KLHL14: variants seen among roughly 807,000 people sequenced by gnomAD.
KLHL14 encodes the protein kelch like family member 14.
In KLHL14, 22 loss-of-function variants were observed where a neutral mutation model predicts 64.3. The ratio of observed to expected loss-of-function variants is 0.34; its 90% CI spans 0.24 to 0.49. The LOEUF is 0.49. KLHL14 is among the 20% of genes least tolerant of loss of function. KLHL14 has a pLI of 0.99. For missense variants in KLHL14, 661 were observed against 789.0 expected (o/e 0.84, Z 1.94); for synonymous variants, 322 against 333.4 (o/e 0.97, Z 0.37).
intron 3 of KLHL14, among the ~76,000 whole-genome samples, chr18:32,730,026 A>ATTGT (rs2050129456): frequency 1.3e-5 from 2 of 152,224 alleles, no homozygotes; most frequent in Admixed American, 1.3e-4. Flanking sequence ...TGAATGGTCT[A>ATTGT]TTGTTTTCAT....
intron 5 of KLHL14, among the ~76,000 whole-genome samples, chr18:32,682,688 C>T (rs1265060929): frequency 6.6e-6 from 1 of 152,152 alleles, no homozygotes; most frequent in Non-Finnish European, 1.5e-5. Flanking sequence ...CTTCTATTTC[C>T]TCAACCAGGC....
intron 5 of KLHL14, among the ~76,000 whole-genome samples, chr18:32,684,932 T>C (rs2049869089): frequency 6.6e-6 from 1 of 152,056 alleles, no homozygotes. Context: ...AACCAGCCCA[T>C]AGGAGAGATG....
chr18:32,763,980 A>G (rs1381802327), intron 2 of KLHL14, among the ~76,000 whole-genome samples: 10 of 152,172 alleles, frequency 6.6e-5, no homozygotes. Flanking sequence ...GGCAGGATCT[A>G]TACTCAATCC....
intron 3 of KLHL14, among the ~76,000 whole-genome samples, chr18:32,731,087 G>A (rs1438431518): frequency 6.6e-6 from 1 of 152,134 alleles, no homozygotes; most frequent in East Asian, 1.9e-4. Context: ...TGACTGTAGA[G>A]TAATCATACA....
chr18:32,679,345 TTAGA>T (rs1175252268), intron 7 of KLHL14, among the ~76,000 whole-genome samples: 3 of 152,324 alleles, frequency 2.0e-5, no homozygotes, highest in Non-Finnish European at 2.9e-5. Flanking sequence ...TCTACCATAC[TTAGA>T]TAGCCTGTTT....
At chr18:32,765,093 G>A in intron 2 of KLHL14, among the ~76,000 whole-genome samples, 1 of 152,242 alleles carries the variant, frequency 6.6e-6, no homozygotes. Context: ...ATGGAGCAAT[G>A]CTTAACTGCT....
In KLHL14 at chr18:32,673,341, G is replaced by A. The variant is rs1426248095; in HGVS notation, c.*1316C>T. Reference sequence around the variant, plus strand: ...CTCTGGATGGTTAAAATATATTTTAGGCTTTTATTTACTCCTAAAGTTGTT... The same window carrying A: ...CTCTGGATGGTTAAAATATATTTTAAGCTTTTATTTACTCCTAAAGTTGTT... On this transcript the variant is annotated 3_prime_UTR_variant, in exon 9 of 9. Coordinates refer to ENST00000359358, the MANE Select transcript of KLHL14 (RefSeq NM_020805.3). 1.3e-5 allele frequency: 2 copies of A among 152,196 alleles called. No individual in the cohort carries two copies. The highest frequency in any genetic ancestry group is 3.9e-4 in the East Asian group (2 of 5,184). The allele number at this position is 152,196 out of a possible 1,614,324, so 9.4% of individuals were successfully genotyped here.
chr18:32,772,132 G>T (rs1181268209), intron 1 of KLHL14: 2 of 263,696 alleles, frequency 7.6e-6, no homozygotes, highest in Admixed American at 4.2e-5. Flanking sequence ...CCGCCCGGGG[G>T]AGAGCCGCCG....
In KLHL14 at chr18:32,769,965, C is replaced by T. The variant is rs141522910; in HGVS notation, c.627G>A (p.Leu209=). ...AGTTGAGCAGCAGCACATCCTCCACCAGGTACTTGTTGGCCAGCTTCTTGG... is the reference window on the plus strand; with the variant it reads ...AGTTGAGCAGCAGCACATCCTCCACTAGGTACTTGTTGGCCAGCTTCTTGG... The part of the protein sequence containing the change: ...EETKKLANKY[L]VEDVLLLNFE... Residue 209 remains leucine, a synonymous_variant, in exon 2 of 9, where the codon CTG becomes CTA. Transcript: ENST00000359358. 4.6e-5 allele frequency: 75 copies of T among 1,614,104 alleles called. No individual in the cohort carries two copies. The African/African-American group carries it at 9.5e-4, about 20-fold the overall frequency.
intron 3 of KLHL14, among the ~76,000 whole-genome samples, chr18:32,735,842 T>TAGA (rs2050163367): frequency 1.3e-5 from 2 of 152,180 alleles, no homozygotes; most frequent in Admixed American, 1.3e-4. Context: ...CTCTGTTACA[T>TAGA]AGAAGATACC....
intron 3 of KLHL14, among the ~76,000 whole-genome samples, chr18:32,725,691 A>G (rs2050104688): frequency 6.6e-6 from 1 of 152,220 alleles, no homozygotes; most frequent in Non-Finnish European, 1.5e-5. Context: ...ATCTGCCCTC[A>G]TGTTGCTGAC....
At chr18:32,704,224 T>C (rs1202617153) in intron 3 of KLHL14, among the ~76,000 whole-genome samples, 1 of 152,130 alleles carries the variant, frequency 6.6e-6, no homozygotes, top group African/African-American at 2.4e-5. Context: ...GCAAAAATGA[T>C]TGTTATGTAG....
chr18:32,742,036 T>C lies in KLHL14; in HGVS notation c.961A>G (p.Lys321Glu), dbSNP rs377120217. Residue 321 changes from lysine (K) to glutamate (E), a missense_variant, in exon 3 of 9, where the codon AAG becomes GAG. By Grantham distance (56) the Lys-to-Glu change is moderately conservative. This residue lies in a region of KLHL14 where 330 missense variants were observed against 450.0 expected (regional missense o/e 0.73). Coordinates refer to ENST00000359358, the MANE Select transcript of KLHL14 (RefSeq NM_020805.3). ...CCTCCAACCAATAACAGCATTTTCTTGTTAGAGCGAATTCTTCACCCAAAA... is the reference window on the plus strand; with the variant it reads ...CCTCCAACCAATAACAGCATTTTCTCGTTAGAGCGAATTCTTCACCCAAAA... ...QSLASRIRSN[K>E]KMLLLVGGLP... 2.5e-6 allele frequency: 4 copies of C among 1,612,874 alleles called. No individual in the cohort carries two copies. The highest frequency in any genetic ancestry group is 2.2e-5 in the East Asian group (1 of 44,868).
Position 32,680,165 on chromosome 18 carries a change from A to G in KLHL14, c.1588+4T>C, listed in dbSNP as rs1312678297. On this transcript the variant is annotated splice_donor_region_variant and intron_variant, in intron 7 of 8. Transcript: ENST00000359358. This position sits in a 1 kb window ranked among gnomAD's most constrained non-coding sequence, Gnocchi z 4.8. Reference sequence around the variant, plus strand: ...ACTAAAAAACAAAACAACAAAAAAAAGACCTTTCAAATGATTTCCTCCAAT... The same window carrying G: ...ACTAAAAAACAAAACAACAAAAAAAGGACCTTTCAAATGATTTCCTCCAAT... 5 of 1,612,584 alleles carry G rather than the reference A, an allele frequency of 3.1e-6. No homozygotes were observed. The Admixed American group carries it at 6.7e-5, about 22-fold the overall frequency.
chr18:32,739,036 G>A (rs1175690944), intron 3 of KLHL14, among the ~76,000 whole-genome samples: 1 of 152,066 alleles, frequency 6.6e-6, no homozygotes, highest in African/African-American at 2.4e-5. Context: ...AGAAATGTTT[G>A]CTCAACATAA....
intron 3 of KLHL14, among the ~76,000 whole-genome samples, chr18:32,701,735 G>C (rs2049967179): frequency 6.6e-6 from 1 of 152,162 alleles, no homozygotes. Flanking sequence ...CTGTGATCTA[G>C]ATGAAAGAAG....
intron 3 of KLHL14, among the ~76,000 whole-genome samples, chr18:32,703,173 A>G (rs1171426633): frequency 3.9e-5 from 6 of 152,202 alleles, no homozygotes; most frequent in Admixed American, 2.0e-4. Context: ...CTGTAGCTTC[A>G]TGCCTAGCAC....
At chr18:32,751,994 G>T (rs914800413) in intron 2 of KLHL14, among the ~76,000 whole-genome samples, 3 of 152,136 alleles carry the variant, frequency 2.0e-5, no homozygotes, top group African/African-American at 7.2e-5. Context: ...GGGGGTTGTG[G>T]CGTGTGCCTG....
chr18:32,685,380 A>G (rs1454870995), intron 5 of KLHL14, among the ~76,000 whole-genome samples: 1 of 152,234 alleles, frequency 6.6e-6, no homozygotes. Context: ...AGCCAAAGGC[A>G]TGAAGGTTAA....
Sources: allele counts gnomAD v4.1 joint callset (sites outside exome capture counted in the v4.1 genomes callset), GRCh38; gene constraint gnomAD v4.1.1; regional missense constraint gnomAD v4.1.1; non-coding constraint Gnocchi (gnomAD v3.1); transcripts MANE v1.5; gene names NCBI Gene and HGNC (gene_info 2026-07-23, HGNC 2026-07-21).